The following COX16 variants were observed in gnomAD, a reference collection of about 807,000 sequenced individuals.
The protein encoded by COX16 is cytochrome c oxidase assembly protein COX16 homolog, mitochondrial.
A neutral mutation model predicts 15.4 loss-of-function variants in COX16; 12 were observed. That is an observed-to-expected ratio of 0.78 (90% CI 0.50 to 1.26). The LOEUF (loss-of-function observed/expected upper bound fraction) is 1.26, where lower values mean the gene tolerates loss of function less well. Among genes scored for constraint, COX16 ranks in the 50% most tolerant of loss-of-function variants. The probability of loss-of-function intolerance (pLI) is 0.00; values close to 1 mark genes in which losing one functional copy is unlikely to be tolerated. For synonymous variants in COX16, 46 were observed against 41.1 expected (o/e 1.12, Z -0.46); for missense variants, 124 against 127.6 (o/e 0.97, Z 0.14).
At chr14:70,329,115 A>G in intron 3 of COX16, 59 bp downstream of exon 3, 10 of 1,514,636 alleles carry the variant, frequency 6.6e-6, no homozygotes, top group Non-Finnish European at 8.9e-6. Context: ...AATACTTTTA[A>G]GGCAGATAAA....
intron 2 of COX16, among the ~76,000 whole-genome samples, chr14:70,331,071 G>A (rs943616934): frequency 6.6e-6 from 1 of 152,094 alleles, no homozygotes; most frequent in Non-Finnish European, 1.5e-5. Context: ...GCAGTGGCAC[G>A]ATCTCGGCTC....
intron 1 of COX16, among the ~76,000 whole-genome samples, chr14:70,353,808 C>T (rs570916680): frequency 1.1e-4 from 16 of 152,050 alleles, no homozygotes; most frequent in East Asian, 3.9e-4. Flanking sequence ...CCACTGCGCC[C>T]GGCCCCTACC....
At chr14:70,340,619 T>G (rs1886596459) in intron 2 of COX16, among the ~76,000 whole-genome samples, 1 of 152,232 alleles carries the variant, frequency 6.6e-6, no homozygotes, top group Non-Finnish European at 1.5e-5. Flanking sequence ...TCTATGCTAC[T>G]GCCCCAGAAT....
chr14:70,359,087 C>T, intron 1 of COX16: 1 of 425,576 alleles, frequency 2.3e-6, no homozygotes, highest in South Asian at 1.7e-5. Context: ...AAATGGAATA[C>T]ATCTAGTCCC....
intron 1 of COX16, among the ~76,000 whole-genome samples, chr14:70,357,170 A>C (rs1245805807): frequency 5.5e-5 from 8 of 145,400 alleles, no homozygotes; most frequent in African/African-American, 7.9e-5. Flanking sequence ...AAAAAAAAAA[A>C]AAAAAAAAAA....
At chr14:70,350,457 G>A (rs974755798) in intron 1 of COX16, among the ~76,000 whole-genome samples, 1 of 152,072 alleles carries the variant, frequency 6.6e-6, no homozygotes, top group Non-Finnish European at 1.5e-5. Context: ...GCGCGCTCTC[G>A]GGGTTCAAAC....
rs995215748 is a variant in COX16 at position 70,359,503 on chromosome 14, T to G, written c.69+16A>C. 7 of 1,611,708 alleles carry G rather than the reference T, an allele frequency of 4.3e-6. No individual in the cohort carries two copies. Among genetic ancestry groups the G allele is most frequent in the Non-Finnish European group, 5.9e-6 (7 of 1,177,836 alleles). ...GGGTCCCACCCCTTGCGGAAGATCC[T>G]CCTCACTCCACTCACCAACATGGGG... On this transcript the variant is annotated intron_variant, in intron 1 of 3. Coordinates refer to ENST00000389912, the MANE Select transcript of COX16 (RefSeq NM_016468.7).
intron 2 of COX16, 86 bp from the exon 3 acceptor site, chr14:70,329,322 G>T: frequency 1.7e-6 from 2 of 1,185,582 alleles, no homozygotes. Context: ...AGAGATGGCT[G>T]AAATACTATA....
rs1886276589 is a variant in COX16, at chr14:70,331,189, G to A, written c.142-1953C>T. On this transcript the variant is annotated intron_variant, in intron 2 of 3. Coordinates refer to ENST00000389912, the MANE Select transcript of COX16 (RefSeq NM_016468.7). The stretch of plus-strand genomic sequence containing the variant: ...CGCCCGGCTAATTTTTTGTATTTTA[G>A]TAGAGACGGGGTTTCACCATATTGG... Among the ~76,000 whole-genome samples, 3 of 152,084 alleles carry A rather than the reference G, an allele frequency of 2.0e-5. No individual in the cohort carries two copies. In the South Asian group the frequency reaches 6.2e-4, roughly 32 times the overall value.
chr14:70,338,318 G>T (rs1394519504), intron 2 of COX16, among the ~76,000 whole-genome samples: 1 of 152,142 alleles, frequency 6.6e-6, no homozygotes, highest in African/African-American at 2.4e-5. Flanking sequence ...TCACCATATT[G>T]CCCAGGCTGG....
chr14:70,354,191 CAAAT>C (rs1887054968), intron 1 of COX16, among the ~76,000 whole-genome samples: 2 of 151,690 alleles, frequency 1.3e-5, no homozygotes, highest in Admixed American at 6.6e-5. Context: ...TCTATGCTGA[CAAAT>C]AAATGAAATA....
chr14:70,334,609 G>A (rs1009043035), intron 2 of COX16, among the ~76,000 whole-genome samples: 4 of 152,060 alleles, frequency 2.6e-5, no homozygotes, highest in African/African-American at 7.2e-5. Flanking sequence ...TCCTTTTTCT[G>A]TAATCAAAGT....
chr14:70,335,986 G>T (rs549083828), intron 2 of COX16, among the ~76,000 whole-genome samples: 1 of 152,296 alleles, frequency 6.6e-6, no homozygotes, highest in South Asian at 2.1e-4. Flanking sequence ...GCCAGGTGTG[G>T]TGGCTCATGT....
intron 2 of COX16, among the ~76,000 whole-genome samples, chr14:70,339,116 C>T (rs1204153455): frequency 6.6e-6 from 1 of 152,182 alleles, no homozygotes; most frequent in African/African-American, 2.4e-5. Flanking sequence ...CAAAGCACAA[C>T]AGGCAGGCAA....
intron 1 of COX16, among the ~76,000 whole-genome samples, chr14:70,348,927 T>TGC (rs1432858561): frequency 6.6e-6 from 1 of 152,156 alleles, no homozygotes; most frequent in East Asian, 1.9e-4. Context: ...CAAGTAGCCC[T>TGC]GCAACCCATG....
chr14:70,337,856 A>C (rs896849360), intron 2 of COX16, among the ~76,000 whole-genome samples: 3 of 152,174 alleles, frequency 2.0e-5, no homozygotes, highest in Non-Finnish European at 4.4e-5. Flanking sequence ...CACAGCAAAA[A>C]AGAGGTTTAG....
intron 2 of COX16, among the ~76,000 whole-genome samples, chr14:70,337,822 G>A (rs1357621520): frequency 6.6e-6 from 1 of 151,926 alleles, no homozygotes; most frequent in Non-Finnish European, 1.5e-5. Flanking sequence ...CTAAATCAAG[G>A]GATGGCTTCA....
chr14:70,354,294 T>C (rs1729641042), intron 1 of COX16, among the ~76,000 whole-genome samples: 1 of 152,234 alleles, frequency 6.6e-6, no homozygotes, highest in Non-Finnish European at 1.5e-5. Flanking sequence ...AATGTAAGAT[T>C]TGTATACGCA....
chr14:70,342,824 A>G, intron 1 of COX16, 95 bp from the exon 2 acceptor site: 1 of 1,287,078 alleles, frequency 7.8e-7, no homozygotes, highest in African/African-American at 1.5e-5. Flanking sequence ...CAATAGAGGC[A>G]CATTATACAA....
Sources: gnomAD v4.1 joint callset for allele counts (sites outside exome capture counted in the v4.1 genomes callset) on GRCh38, gnomAD v4.1.1 for gene constraint, MANE v1.5 for transcripts, NCBI Gene and HGNC (gene_info 2026-07-23, HGNC 2026-07-21) for gene names.